Variants in OCA2 observed in about 807,000 individuals in gnomAD.
OCA2 encodes the protein P protein.
In OCA2, 77 loss-of-function variants were observed where a neutral mutation model predicts 100.2. That is an observed-to-expected ratio of 0.77 (90% CI 0.64 to 0.93). The LOEUF is 0.93. Ranked by LOEUF, OCA2 falls within the 40% of genes least tolerant of loss-of-function variation. OCA2 has a pLI of 0.00. For synonymous variants in OCA2, 432 were observed against 439.2 expected (o/e 0.98, Z 0.21); for missense variants, 1,062 against 1,089.1 (o/e 0.98, Z 0.35).
chr15:27,724,385 T>G, the OCA2 span, among the ~76,000 whole-genome samples: 2 of 152,060 alleles, frequency 1.3e-5, no homozygotes, highest in Admixed American at 1.3e-4. Context: ...TCTGTGCACA[T>G]CGGTCTCTGT....
chr15:27,945,031 C>A (rs1366672009), intron 18 of OCA2, among the ~76,000 whole-genome samples: 1 of 152,200 alleles, frequency 6.6e-6, no homozygotes, highest in Non-Finnish European at 1.5e-5. Flanking sequence ...ACACTAGCCC[C>A]AATCAACCCC....
At chr15:27,853,114 A>T (rs2035820979) in intron 21 of OCA2, among the ~76,000 whole-genome samples, 1 of 126,826 alleles carries the variant, frequency 7.9e-6, no homozygotes, top group African/African-American at 3.0e-5. Context: ...CTATAAAGAC[A>T]CATGCACACG....
intron 19 of OCA2, among the ~76,000 whole-genome samples, chr15:27,907,162 G>A (rs568903260): frequency 7.9e-5 from 12 of 152,186 alleles, no homozygotes; most frequent in East Asian, 1.9e-4. Context: ...AATAACTTCC[G>A]TAAAGTAGAA....
chr15:27,807,093 GGCCC>G (rs55976631), intron 23 of OCA2, among the ~76,000 whole-genome samples: 110,787 of 151,760 alleles, frequency 0.73, 41,795 homozygotes, highest in East Asian at 1. Flanking sequence ...AGTCACCCCC[GGCCC>G]GCCCACCTCT....
chr15:27,769,343 G>A (rs2031534880), intron 23 of OCA2, among the ~76,000 whole-genome samples: 1 of 152,212 alleles, frequency 6.6e-6, no homozygotes, highest in Non-Finnish European at 1.5e-5. Flanking sequence ...TGCCTGTGCT[G>A]ACACACAGTT....
In OCA2 at chr15:27,955,027, C is replaced by G. The variant is rs909621482; in HGVS notation, c.1842+131G>C. On this transcript the variant is annotated intron_variant, in intron 17 of 23. Coordinates refer to ENST00000354638, the MANE Select transcript of OCA2 (RefSeq NM_000275.3). Reference sequence around the variant, plus strand: ...CCCATCCACTCACACACATAAACCTCAACGTCTTGTGTATAACCACAGAAA... The same window carrying G: ...CCCATCCACTCACACACATAAACCTGAACGTCTTGTGTATAACCACAGAAA... 10 of 782,664 alleles carry G rather than the reference C, an allele frequency of 1.3e-5. No homozygotes were observed. The African/African-American group carries it at 1.5e-4, about 12-fold the overall frequency. 48.5% of individuals were successfully genotyped at this position (782,664 alleles called of 1,614,324 possible). A position where few individuals can be genotyped will look rare whatever the true frequency, so the allele number is the denominator to read the frequency against.
At position 27,986,740 on chromosome 15, in the gene OCA2, T is replaced by C. The variant is rs182734815; in HGVS notation, c.1183-97A>G. 2.1e-5 allele frequency: 17 copies of C among 828,600 alleles called. No homozygotes were observed. In the East Asian group the frequency reaches 4.1e-4, roughly 20 times the overall value. The allele number at this position is 828,600 out of a possible 1,614,324, so 51.3% of individuals were successfully genotyped here. ...CCTTACACATTTGAGCTCTGGCCTC[T>C]GAAAGCCACCACATCACCAAGCTCC... On this transcript the variant is annotated intron_variant, in intron 11 of 23. Coordinates refer to ENST00000354638, the MANE Select transcript of OCA2 (RefSeq NM_000275.3).
intron 5 of OCA2, among the ~76,000 whole-genome samples, chr15:28,023,409 A>G (rs1320847780): frequency 6.6e-6 from 1 of 152,168 alleles, no homozygotes; most frequent in Non-Finnish European, 1.5e-5. Context: ...TGCTGTCCAC[A>G]TGTCACAGCT....
At chr15:27,726,303 AT>A in the OCA2 span, among the ~76,000 whole-genome samples, 2 of 54,336 alleles carry the variant, frequency 3.7e-5, no homozygotes, top group African/African-American at 2.3e-4. Flanking sequence ...AGCTCAAAAA[AT>A]AAATAAATAA....
chr15:27,981,544 C>T (rs1168395493), intron 14 of OCA2, among the ~76,000 whole-genome samples: 1 of 152,180 alleles, frequency 6.6e-6, no homozygotes, highest in Non-Finnish European at 1.5e-5. Flanking sequence ...GAGCAGTGTT[C>T]AGTTTATAGT....
At chr15:27,913,881 AAGAAAGAAAG>A (rs1167932139) in intron 19 of OCA2, among the ~76,000 whole-genome samples, 2 of 57,710 alleles carry the variant, frequency 3.5e-5, no homozygotes, top group Non-Finnish European at 6.1e-5. Context: ...GAAAGAAAGA[AAGAAAGAAAG>A]AAAGCAAGCA....
chr15:27,864,926 C>A (rs1019657629), intron 21 of OCA2, among the ~76,000 whole-genome samples: 1 of 151,590 alleles, frequency 6.6e-6, no homozygotes, highest in African/African-American at 2.4e-5. Context: ...AGGCCGCCTG[C>A]CCACCAAGAG....
chr15:27,791,483 C>G (rs187755297), intron 23 of OCA2, among the ~76,000 whole-genome samples: 6 of 152,144 alleles, frequency 3.9e-5, no homozygotes, highest in African/African-American at 1.4e-4. Flanking sequence ...TCAGTGGTGG[C>G]CAGTGGTTGC....
At chr15:27,740,556 G>A in the OCA2 span, among the ~76,000 whole-genome samples, 21 of 152,300 alleles carry the variant, frequency 1.4e-4, no homozygotes, top group African/African-American at 5.1e-4. Context: ...AAAAGTACAT[G>A]CAGTGCAAGT....
At chr15:27,822,177 G>A (rs1566992300) in intron 23 of OCA2, among the ~76,000 whole-genome samples, 1 of 152,074 alleles carries the variant, frequency 6.6e-6, no homozygotes, top group Non-Finnish European at 1.5e-5. Context: ...AGAACCCAGA[G>A]TCCCCTCATG....
chr15:27,925,272 A>G (rs992141526), intron 19 of OCA2, among the ~76,000 whole-genome samples: 5 of 152,210 alleles, frequency 3.3e-5, no homozygotes, highest in African/African-American at 1.2e-4. Context: ...TCCACAAAAC[A>G]GCAGCAGAAT....
At chr15:27,987,160 A>G (rs2041382371) in intron 11 of OCA2, among the ~76,000 whole-genome samples, 1 of 152,148 alleles carries the variant, frequency 6.6e-6, no homozygotes, top group Admixed American at 6.5e-5. Context: ...TATTGAAATG[A>G]TTGCTCCCTG....
intron 6 of OCA2, among the ~76,000 whole-genome samples, chr15:28,022,202 AC>A (rs564117717): frequency 1.2e-3 from 184 of 152,256 alleles, no homozygotes; most frequent in African/African-American, 4.3e-3. Flanking sequence ...CGCAAAAGAG[AC>A]GGGGGAGGAA....
At chr15:28,077,187 G>GTATATTA in intron 2 of OCA2, among the ~76,000 whole-genome samples, 1 of 152,008 alleles carries the variant, frequency 6.6e-6, no homozygotes, top group East Asian at 2.0e-4. Context: ...AGCCTCCAGA[G>GTATATTA]TAGCTGGGAT....
Sources: gnomAD v4.1 joint callset for allele counts (sites outside exome capture counted in the v4.1 genomes callset) on GRCh38, gnomAD v4.1.1 for gene constraint, MANE v1.5 for transcripts, NCBI Gene and HGNC (gene_info 2026-07-23, HGNC 2026-07-21) for gene names.